Variants in STAB2 observed in about 807,000 individuals in gnomAD.
STAB2 encodes stabilin 2.
Under a neutral mutation model 338.1 loss-of-function variants are expected in STAB2, and 288 were observed. That is an observed-to-expected ratio of 0.85 (90% CI 0.77 to 0.94). The LOEUF (loss-of-function observed/expected upper bound fraction) is 0.94, where lower values mean the gene tolerates loss of function less well. Ranked by LOEUF, STAB2 falls within the 40% of genes least tolerant of loss-of-function variation. The pLI is 0.00. For missense variants in STAB2, 3,141 were observed against 3,210.1 expected (o/e 0.98, Z 0.52); for synonymous variants, 1,202 against 1,193.3 (o/e 1.01, Z -0.15).
chr12:103,612,254 C>T (rs949537785), intron 3 of STAB2, among the ~76,000 whole-genome samples: 5 of 152,168 alleles, frequency 3.3e-5, no homozygotes, highest in African/African-American at 9.7e-5. Context: ...TAGGGAAGTT[C>T]TCCTGGATAA....
At chr12:103,635,230 G>A (rs1267109249) in intron 6 of STAB2, among the ~76,000 whole-genome samples, 1 of 152,222 alleles carries the variant, frequency 6.6e-6, no homozygotes, top group Non-Finnish European at 1.5e-5. Flanking sequence ...CTCACTGCCA[G>A]TGCCTCTCAG....
intron 34 of STAB2, among the ~76,000 whole-genome samples, chr12:103,702,590 C>T (rs540200820): frequency 5.1e-4 from 78 of 152,380 alleles, no homozygotes; most frequent in Non-Finnish European, 8.5e-4. Flanking sequence ...TGAGCCACCG[C>T]GCCCGGCCTA....
chr12:103,654,762 C>CA (rs1874047970), intron 13 of STAB2, 64 bp downstream of exon 13: 1 of 1,559,188 alleles, frequency 6.4e-7, no homozygotes, highest in Non-Finnish European at 8.7e-7. Context: ...TGGAGAGTCA[C>CA]ATCCAGAGCA....
At chr12:103,657,003 TAAC>T (rs919383211) in intron 15 of STAB2, among the ~76,000 whole-genome samples, 108 of 152,198 alleles carry the variant, frequency 7.1e-4, no homozygotes, top group Non-Finnish European at 1.3e-3. Context: ...TTTTAAAACT[TAAC>T]AAGGAGATAA....
chr12:103,731,702 G>T, intron 50 of STAB2, 67 bp downstream of exon 50: 1 of 1,526,792 alleles, frequency 6.5e-7, no homozygotes, highest in South Asian at 1.2e-5. Context: ...TGTTTGTTTT[G>T]TTGTTGTTTC....
At chr12:103,691,376 A>G (rs1245273780) in intron 30 of STAB2, among the ~76,000 whole-genome samples, 5 of 152,236 alleles carry the variant, frequency 3.3e-5, no homozygotes. Context: ...ATACCTACAT[A>G]TATGTGACTC....
Position 103,677,582 on chromosome 12 carries a change from G to A in STAB2, c.2776G>A (p.Ala926Thr), listed in dbSNP as rs1029181079. 8.1e-6 allele frequency: 13 copies of A among 1,613,782 alleles called. No homozygotes were observed. The highest frequency in any genetic ancestry group is 5.0e-5 in the Admixed American group (3 of 60,010). The change falls in exon 25 of 69, where the codon GCA becomes ACA. Residue 926 changes from alanine (A) to threonine (T), a missense_variant. Transcript: ENST00000388887. ...LPSAGGCHDN[A>T]SCLYVGPGQN... ...CAGTGCAGGCGGCTGCCACGACAAC[G>A]CATCCTGTTTGTATGTGGGTCCCGG...
chr12:103,590,760 C>A, intron 1 of STAB2, 137 bp from the exon 2 acceptor site: 1 of 1,008,866 alleles, frequency 9.9e-7, no homozygotes, highest in South Asian at 1.5e-5. Flanking sequence ...CCAGTCATTA[C>A]CAATCAACCT....
chr12:103,670,648 T>A, intron 21 of STAB2, 48 bp from the exon 22 acceptor site: 1 of 1,462,290 alleles, frequency 6.8e-7, no homozygotes, highest in Non-Finnish European at 9.5e-7. Flanking sequence ...TGAAAACACC[T>A]GAGAACTATG....
intron 2 of STAB2, among the ~76,000 whole-genome samples, chr12:103,592,964 A>G (rs747627768): frequency 7.9e-5 from 12 of 152,128 alleles, no homozygotes; most frequent in Admixed American, 3.9e-4. Context: ...GATATCCTCT[A>G]GGTTCATCCA....
At chr12:103,614,736 C>T (rs914782139) in intron 3 of STAB2, among the ~76,000 whole-genome samples, 1 of 152,216 alleles carries the variant, frequency 6.6e-6, no homozygotes, top group Admixed American at 6.5e-5. Context: ...AAAGGCACAT[C>T]AACTCATAGG....
At chr12:103,746,329 G>A (rs901006202) in intron 57 of STAB2, 4 of 301,316 alleles carry the variant, frequency 1.3e-5, no homozygotes, top group South Asian at 4.6e-5. Context: ...GTGGTATAAA[G>A]TTTTAATTGA....
chr12:103,705,846 A>G (rs1042734415), intron 37 of STAB2, 119 bp downstream of exon 37: 12 of 890,422 alleles, frequency 1.3e-5, no homozygotes, highest in Middle Eastern at 2.2e-4. Flanking sequence ...CTTCCTTGTT[A>G]CCTGCATTAT....
chr12:103,605,457 C>A (rs1215896626), intron 3 of STAB2, among the ~76,000 whole-genome samples: 2 of 151,874 alleles, frequency 1.3e-5, no homozygotes, highest in Non-Finnish European at 2.9e-5. Context: ...CCATTCAAGT[C>A]TTTTCTATAC....
At chr12:103,743,711 T>C (rs1882773707) in intron 56 of STAB2, among the ~76,000 whole-genome samples, 2 of 152,146 alleles carry the variant, frequency 1.3e-5, no homozygotes, top group South Asian at 4.1e-4. Flanking sequence ...CACGCGTAGA[T>C]AGTGGACAGT....
chr12:103,637,040 T>C, intron 6 of STAB2, 71 bp from the exon 7 acceptor site: 1 of 1,458,360 alleles, frequency 6.9e-7, no homozygotes, highest in Middle Eastern at 1.8e-4. Context: ...TAAAAGGGAA[T>C]ACTGCAGTTT....
At chr12:103,669,736 A>G in intron 21 of STAB2, 109 bp downstream of exon 21, 1 of 952,636 alleles carries the variant, frequency 1.0e-6, no homozygotes, top group Middle Eastern at 2.7e-4. Context: ...AAGCAAAAGA[A>G]ATGACCCCTT....
intron 3 of STAB2, among the ~76,000 whole-genome samples, chr12:103,597,780 CTT>C (rs571175998): frequency 6.7e-6 from 1 of 149,142 alleles, no homozygotes. Flanking sequence ...GAACATCTTA[CTT>C]TTTTTTTTAT....
rs569235361 is a variant in STAB2, at chr12:103,612,935, A to T, written c.332-7533A>T. Among the ~76,000 whole-genome samples the T allele has an allele frequency of 3.8e-3, 577 of 152,086 alleles. 6 individuals are homozygous for T. The highest frequency in any genetic ancestry group is 0.013 in the African/African-American group (558 of 41,474). The stretch of plus-strand genomic sequence containing the variant: ...GGACCCTCAGCTGCAGGTCTGTTGG[A>T]GTTTGCTGGAGGTCCACTCCAGATC... On this transcript the variant is annotated intron_variant, in intron 3 of 68. Transcript: ENST00000388887.
Sources: gnomAD v4.1 joint callset for allele counts (sites outside exome capture counted in the v4.1 genomes callset) on GRCh38, gnomAD v4.1.1 for gene constraint, MANE v1.5 for transcripts, NCBI Gene and HGNC (gene_info 2026-07-23, HGNC 2026-07-21) for gene names.